Variants in MEI4 observed in about 807,000 individuals in gnomAD.
MEI4 encodes meiosis-specific protein MEI4.
In MEI4, 27 loss-of-function variants were observed where a neutral mutation model predicts 31.4. That is an observed-to-expected ratio of 0.86 (90% CI 0.63 to 1.19). The LOEUF is 1.19. Ranked by LOEUF, MEI4 falls within the 50% of genes most tolerant of loss-of-function variation. MEI4 has a pLI of 0.00. For missense variants in MEI4, 329 were observed against 398.9 expected (o/e 0.82, Z 1.49); for synonymous variants, 122 against 145.4 (o/e 0.84, Z 1.16).
intron 3 of MEI4, among the ~76,000 whole-genome samples, chr6:77,792,563 A>G (rs76562519): frequency 0.01 from 1,539 of 152,278 alleles, 9 homozygotes; most frequent in Non-Finnish European, 0.017. Flanking sequence ...GACTATTGCT[A>G]TGGAACATTT....
chr6:77,810,432 G>T (rs558054500), intron 3 of MEI4, among the ~76,000 whole-genome samples: 1 of 152,054 alleles, frequency 6.6e-6, no homozygotes. Context: ...GCTGCTGTCC[G>T]GAAAAAGCGT....
chr6:77,821,568 G>T (rs1769825971), intron 3 of MEI4, among the ~76,000 whole-genome samples: 1 of 152,054 alleles, frequency 6.6e-6, no homozygotes, highest in Non-Finnish European at 1.5e-5. Flanking sequence ...GGCCGAGACA[G>T]GTGGATCACC....
At chr6:77,679,094 T>C (rs1002908718) in intron 1 of MEI4, among the ~76,000 whole-genome samples, 1 of 152,146 alleles carries the variant, frequency 6.6e-6, no homozygotes, top group African/African-American at 2.4e-5. Context: ...AAATCTGAAA[T>C]GTTTATAAGG....
intron 1 of MEI4, among the ~76,000 whole-genome samples, chr6:77,668,451 T>C (rs765611469): frequency 6.6e-6 from 1 of 152,200 alleles, no homozygotes; most frequent in African/African-American, 2.4e-5. Flanking sequence ...ACAGACTGTA[T>C]TATTTCTTCT....
intron 4 of MEI4, among the ~76,000 whole-genome samples, chr6:77,915,867 C>T (rs1766533062): frequency 6.6e-6 from 1 of 151,936 alleles, no homozygotes; most frequent in Non-Finnish European, 1.5e-5. Flanking sequence ...CTTTTGTTCT[C>T]TCTTTGCATT....
intron 1 of MEI4, among the ~76,000 whole-genome samples, chr6:77,679,645 G>T (rs1016537164): frequency 2.6e-5 from 4 of 152,074 alleles, no homozygotes; most frequent in African/African-American, 4.8e-5. Context: ...ACCGTGAATG[G>T]TGCTTGCTAC....
In MEI4 at chr6:77,761,508, C is replaced by G. The variant is rs1768045123; in HGVS notation, c.611C>G (p.Pro204Arg). 2 of 1,231,990 alleles carry G rather than the reference C, an allele frequency of 1.6e-6. No individual in the cohort carries two copies. Among genetic ancestry groups the G allele is most frequent in the Admixed American group, 4.2e-5 (1 of 23,686 alleles). 76.3% of individuals were successfully genotyped at this position (1,231,990 alleles called of 1,614,324 possible). A position where few individuals can be genotyped will look rare whatever the true frequency, so the allele number is the denominator to read the frequency against. The change falls in exon 3 of 5, where the codon CCT becomes CGT. Residue 204 changes from proline (P) to arginine (R), a missense_variant. By Grantham distance (103) the Pro-to-Arg change is moderately radical. Coordinates refer to ENST00000684080, the MANE Select transcript of MEI4 (RefSeq NM_001322247.2). ...LITFYRNPKLPFSRFWTEAVG... is the reference protein window; with the variant it reads ...LITFYRNPKLRFSRFWTEAVG... ...ACTTTTTACCGTAATCCCAAACTTC[C>G]TTTTTCAAGATTTTGGACAGAAGCT...
intron 4 of MEI4, among the ~76,000 whole-genome samples, chr6:77,889,194 C>A (rs1258064916): frequency 6.6e-6 from 1 of 152,138 alleles, no homozygotes; most frequent in African/African-American, 2.4e-5. Context: ...GTGGAAGCAA[C>A]TTTGGAACTG....
intron 2 of MEI4, among the ~76,000 whole-genome samples, chr6:77,699,134 C>T (rs948152723): frequency 3.3e-5 from 5 of 151,096 alleles, no homozygotes; most frequent in African/African-American, 1.2e-4. Context: ...CCTTTAAGGA[C>T]TTCTCTGCAC....
chr6:77,857,470 CCT>C (rs1461317721), intron 4 of MEI4, among the ~76,000 whole-genome samples: 1 of 152,118 alleles, frequency 6.6e-6, no homozygotes, highest in African/African-American at 2.4e-5. Context: ...CTGATTATCC[CCT>C]GTGATAACTA....
intron 4 of MEI4, among the ~76,000 whole-genome samples, chr6:77,906,731 G>A (rs750621859): frequency 6.6e-6 from 1 of 152,162 alleles, no homozygotes; most frequent in South Asian, 2.1e-4. Context: ...GGAGTCTGGG[G>A]CAGTAATGGC....
At position 77,926,763 on chromosome 6, in the gene MEI4, G is replaced by C. The variant is rs1766853123; in HGVS notation, c.*3417G>C. 6.6e-6 allele frequency: 1 copy of C among 151,936 alleles called. No individual in the cohort carries two copies. The highest frequency in any genetic ancestry group is 6.6e-5 in the Admixed American group (1 of 15,196). 9.4% of individuals were successfully genotyped at this position (151,936 alleles called of 1,614,324 possible). ...TAAAACATACTAAGCTTTAACTTTT[G>C]TCAGATTTATGAAACCAAGCTTTCT... On this transcript the variant is annotated 3_prime_UTR_variant, in exon 5 of 5. Transcript: ENST00000684080.
At chr6:77,880,910 A>G (rs1156245120) in intron 4 of MEI4, among the ~76,000 whole-genome samples, 1 of 152,162 alleles carries the variant, frequency 6.6e-6, no homozygotes, top group East Asian at 1.9e-4. Flanking sequence ...TAGGTTCTAC[A>G]TATAGAAAAT....
intron 3 of MEI4, among the ~76,000 whole-genome samples, chr6:77,800,429 A>G (rs1408956978): frequency 1.3e-5 from 2 of 152,164 alleles, no homozygotes; most frequent in Non-Finnish European, 2.9e-5. Context: ...TATACAATCA[A>G]GTCATCTGCA....
chr6:77,841,937 C>T lies in MEI4; in HGVS notation c.900+12875C>T, dbSNP rs983859350. ...TACCAAATGCTTGAAACTTCCAAAT[C>T]GTGAAGCAAAAATTGATAACATTGT... On this transcript the variant is annotated intron_variant, in intron 4 of 4. Transcript: ENST00000684080. Among the ~76,000 whole-genome samples the T allele has an allele frequency of 2.5e-4, 38 of 151,904 alleles. 1 individual carries two copies. Among genetic ancestry groups the T allele is most frequent in the Admixed American group, 2.4e-3 (37 of 15,238 alleles).
intron 4 of MEI4, among the ~76,000 whole-genome samples, chr6:77,878,803 T>C (rs1562023254): frequency 1.3e-5 from 2 of 152,172 alleles, no homozygotes; most frequent in Admixed American, 6.6e-5. Flanking sequence ...AAAAATCTCA[T>C]GGTTTAACTT....
chr6:77,802,814 G>T (rs1182555753), intron 3 of MEI4, among the ~76,000 whole-genome samples: 1 of 152,178 alleles, frequency 6.6e-6, no homozygotes. Flanking sequence ...CTGTTTTCTG[G>T]CTTGTAGAGT....
At position 77,713,597 on chromosome 6, in the gene MEI4, T is replaced by C. The variant is rs149049998; in HGVS notation, c.232+22694T>C. ...AAAGTGAAAGATCCTCAGTGTGTTA[T>C]GGGTCTGCTTCTCTTAGGAATAAAT... On this transcript the variant is annotated intron_variant, in intron 2 of 4. Transcript: ENST00000684080. 1.4e-3 allele frequency among the ~76,000 whole-genome samples: 212 copies of C among 152,328 alleles called. 1 individual carries two copies. The highest frequency in any genetic ancestry group is 4.5e-3 in the African/African-American group (186 of 41,584).
At chr6:77,911,836 C>T (rs1011811312) in intron 4 of MEI4, among the ~76,000 whole-genome samples, 1 of 151,224 alleles carries the variant, frequency 6.6e-6, no homozygotes, top group African/African-American at 2.4e-5. Context: ...TTGATGAACA[C>T]GTGAGTGCAT....
Sources: gnomAD v4.1 joint callset for allele counts (sites outside exome capture counted in the v4.1 genomes callset) on GRCh38, gnomAD v4.1.1 for gene constraint, MANE v1.5 for transcripts, NCBI Gene and HGNC (gene_info 2026-07-23, HGNC 2026-07-21) for gene names.